The following LINGO2 variants were observed in gnomAD, a reference collection of about 807,000 sequenced individuals.
The protein encoded by LINGO2 is leucine-rich repeat and immunoglobulin-like domain-containing nogo receptor-interacting protein 2.
LINGO2 carries 14 observed loss-of-function variants against 30.6 expected under a neutral mutation model. The ratio of observed to expected loss-of-function variants is 0.46; its 90% CI spans 0.30 to 0.72. The LOEUF is 0.72. LINGO2 is among the 30% of genes least tolerant of loss of function. The pLI is 0.07. For synonymous variants in LINGO2, 317 were observed against 288.5 expected, an observed-to-expected ratio of 1.10 and a Z score of -1.00; for missense variants, 729 against 751.7, an observed-to-expected ratio of 0.97 and a Z score of 0.35.
chr9:28,508,683 A>G (rs1194528348), intron 1 of LINGO2, among the ~76,000 whole-genome samples: 1 of 151,972 alleles, frequency 6.6e-6, no homozygotes, highest in Non-Finnish European at 1.5e-5. Flanking sequence ...TGGTTATTTA[A>G]TTCCTTTCCT....
At chr9:28,482,086 G>A (rs1295673554) in intron 1 of LINGO2, among the ~76,000 whole-genome samples, 1 of 151,966 alleles carries the variant, frequency 6.6e-6, no homozygotes, top group African/African-American at 2.4e-5. Flanking sequence ...ATAAACATAT[G>A]TGTGCATGTG....
intron 3 of LINGO2, among the ~76,000 whole-genome samples, chr9:28,355,933 G>T (rs1452760903): frequency 2.0e-5 from 3 of 152,166 alleles, no homozygotes; most frequent in African/African-American, 4.8e-5. Context: ...TGGCTTGAAA[G>T]AGAGTGATAC....
chr9:29,178,662 G>A, the LINGO2 span, among the ~76,000 whole-genome samples: 1 of 152,100 alleles, frequency 6.6e-6, no homozygotes, highest in Non-Finnish European at 1.5e-5. Flanking sequence ...TATGTATATA[G>A]GGAAGGAAAC....
chr9:28,671,784 A>G (rs919266434), upstream of LINGO2, among the ~76,000 whole-genome samples: 1 of 152,032 alleles, frequency 6.6e-6, no homozygotes, highest in Non-Finnish European at 1.5e-5. Flanking sequence ...AACCTAAAAT[A>G]AGAGTTAAAA....
At chr9:28,310,860 G>C (rs532870016) in intron 3 of LINGO2, among the ~76,000 whole-genome samples, 1 of 151,980 alleles carries the variant, frequency 6.6e-6, no homozygotes, top group African/African-American at 2.4e-5. Flanking sequence ...CAATCTGATC[G>C]AGAACAAAAC....
At chr9:28,466,672 C>T (rs2135148034) in intron 2 of LINGO2, among the ~76,000 whole-genome samples, 1 of 152,148 alleles carries the variant, frequency 6.6e-6, no homozygotes, top group East Asian at 1.9e-4. Flanking sequence ...GTGACTATGA[C>T]ACATTTTATG....
At chr9:28,005,287 G>C (rs910603565) in intron 5 of LINGO2, among the ~76,000 whole-genome samples, 1 of 152,172 alleles carries the variant, frequency 6.6e-6, no homozygotes, top group Admixed American at 6.5e-5. Context: ...TTAAGACCAT[G>C]TGTAGCTGTT....
chr9:28,229,577 G>T (rs1412033479), intron 4 of LINGO2, among the ~76,000 whole-genome samples: 2 of 151,630 alleles, frequency 1.3e-5, no homozygotes, highest in South Asian at 4.1e-4. Context: ...CAAAAAGAAT[G>T]ACCAAAAGAT....
the LINGO2 span, among the ~76,000 whole-genome samples, chr9:28,676,210 C>T: frequency 3.3e-5 from 5 of 151,198 alleles, no homozygotes; most frequent in East Asian, 1.9e-4. Context: ...AATAGTTATG[C>T]TAATATTAAA....
the LINGO2 span, among the ~76,000 whole-genome samples, chr9:28,958,540 T>G: frequency 6.6e-6 from 1 of 152,128 alleles, no homozygotes; most frequent in African/African-American, 2.4e-5. Context: ...GGGAATGTTT[T>G]AAAACCTACC....
At chr9:29,090,085 C>T in the LINGO2 span, among the ~76,000 whole-genome samples, 3 of 151,894 alleles carry the variant, frequency 2.0e-5, no homozygotes, top group Non-Finnish European at 4.4e-5. Context: ...TTATATATTA[C>T]AGTGGTATTG....
In LINGO2 at chr9:28,400,188, C is replaced by A. The variant is rs555924401; in HGVS notation, c.-278-27320G>T. Among the ~76,000 whole-genome samples, 14 of 152,186 alleles carry A rather than the reference C, an allele frequency of 9.2e-5. No individual in the cohort carries two copies. In the East Asian group the frequency reaches 2.7e-3, roughly 30 times the overall value. ...ATACAATTATACCTTTGCACTATAG[C>A]CTATTTTGTGAAGAGAATTAATTTA... On this transcript the variant is annotated intron_variant, in intron 2 of 5. Coordinates refer to ENST00000379992, the Ensembl canonical transcript of LINGO2.
At chr9:28,532,964 T>G (rs893212275) in intron 1 of LINGO2, among the ~76,000 whole-genome samples, 3 of 152,048 alleles carry the variant, frequency 2.0e-5, no homozygotes, top group African/African-American at 7.2e-5. Flanking sequence ...CTTTGGTCCT[T>G]GTGATGGTTA....
the LINGO2 span, among the ~76,000 whole-genome samples, chr9:28,899,942 G>A: frequency 6.6e-6 from 1 of 152,152 alleles, no homozygotes; most frequent in Non-Finnish European, 1.5e-5. Flanking sequence ...TGTTATCTTG[G>A]TCCCCAATGA....
At chr9:28,749,031 C>A in the LINGO2 span, among the ~76,000 whole-genome samples, 1 of 151,816 alleles carries the variant, frequency 6.6e-6, no homozygotes, top group Non-Finnish European at 1.5e-5. Context: ...TAAAAATATG[C>A]AAAAATAATA....
intron 1 of LINGO2, among the ~76,000 whole-genome samples, chr9:28,531,735 A>G (rs1013332405): frequency 5.2e-4 from 79 of 152,170 alleles, no homozygotes; most frequent in Non-Finnish European, 8.8e-5. Flanking sequence ...AATAAACAAC[A>G]CGGATTTTGC....
chr9:28,874,327 G>T, the LINGO2 span, among the ~76,000 whole-genome samples: 1 of 151,850 alleles, frequency 6.6e-6, no homozygotes, highest in Admixed American at 6.6e-5. Flanking sequence ...AAGTGATAAG[G>T]ATATTATGAG....
At chr9:28,428,476 C>A (rs1442110926) in intron 2 of LINGO2, among the ~76,000 whole-genome samples, 1 of 152,080 alleles carries the variant, frequency 6.6e-6, no homozygotes, top group Non-Finnish European at 1.5e-5. Context: ...ATTTTCATGT[C>A]TAATCAATTC....
chr9:28,878,269 C>T, the LINGO2 span, among the ~76,000 whole-genome samples: 22 of 152,072 alleles, frequency 1.4e-4, no homozygotes, highest in East Asian at 3.9e-4. Context: ...ACACATACAC[C>T]CTCCCAAGAC....
Sources: allele counts gnomAD v4.1 joint callset (sites outside exome capture counted in the v4.1 genomes callset), GRCh38; gene constraint gnomAD v4.1.1; transcripts MANE v1.5; gene names NCBI Gene and HGNC (gene_info 2026-07-23, HGNC 2026-07-21).